Variants in SEMA6D observed in about 807,000 individuals in gnomAD.
SEMA6D encodes semaphorin-6D.
Under a neutral mutation model 106.6 loss-of-function variants are expected in SEMA6D, and 35 were observed. The ratio of observed to expected loss-of-function variants is 0.33; its 90% CI spans 0.25 to 0.44. SEMA6D has a LOEUF of 0.44. Ranked by LOEUF, SEMA6D falls within the 20% of genes least tolerant of loss-of-function variation. The pLI is 1.00. For missense variants in SEMA6D, 1,185 were observed against 1,345.9 expected (o/e 0.88, Z 1.87); for synonymous variants, 499 against 487.7 (o/e 1.02, Z -0.31).
At chr15:47,654,248 C>T (rs955103895) in intron 4 of SEMA6D, among the ~76,000 whole-genome samples, 10 of 152,108 alleles carry the variant, frequency 6.6e-5, no homozygotes, top group South Asian at 2.1e-4. Context: ...ACAATCAATG[C>T]GGAGCTTAGG....
At chr15:47,717,889 A>G (rs2079184650) in intron 1 of SEMA6D, among the ~76,000 whole-genome samples, 197 bp downstream of exon 1, 1 of 140,408 alleles carries the variant, frequency 7.1e-6, no homozygotes, top group Non-Finnish European at 1.5e-5. Context: ...TTGCCACTGG[A>G]CAGTTGATTT....
At chr15:47,407,412 A>AAC (rs2040627377) in intron 1 of SEMA6D, among the ~76,000 whole-genome samples, 1 of 150,270 alleles carries the variant, frequency 6.7e-6, no homozygotes, top group African/African-American at 2.4e-5. Flanking sequence ...ACAACAACAA[A>AAC]AAAAACAAAA....
chr15:47,471,931 T>TCTCACACACACACACA (rs1555445502), intron 3 of SEMA6D, among the ~76,000 whole-genome samples: 1 of 121,436 alleles, frequency 8.2e-6, no homozygotes, highest in African/African-American at 3.4e-5. Context: ...TCTCTCTCTC[T>TCTCACACACACACACA]CACACACACA....
intron 1 of SEMA6D, among the ~76,000 whole-genome samples, chr15:47,247,446 C>T (rs1298747833): frequency 6.6e-6 from 1 of 151,944 alleles, no homozygotes; most frequent in African/African-American, 2.4e-5. Context: ...AAAAAACTGT[C>T]ATCCATTAAA....
At chr15:47,497,454 T>C (rs2043704562) in intron 3 of SEMA6D, among the ~76,000 whole-genome samples, 1 of 152,104 alleles carries the variant, frequency 6.6e-6, no homozygotes. Context: ...ATCATTTGCT[T>C]TGACTTCATC....
chr15:47,760,820 A>C (rs2082021268), intron 3 of SEMA6D, among the ~76,000 whole-genome samples, 158 bp from the exon 4 acceptor site: 1 of 152,182 alleles, frequency 6.6e-6, no homozygotes, highest in Admixed American at 6.5e-5. Context: ...AAAGCATCTC[A>C]CTAATGAAAA....
chr15:47,257,232 T>C (rs1330155682), intron 1 of SEMA6D, among the ~76,000 whole-genome samples: 1 of 152,118 alleles, frequency 6.6e-6, no homozygotes, highest in African/African-American at 2.4e-5. Flanking sequence ...TAATTTTTTG[T>C]ATTTTTAGTA....
At chr15:47,213,491 G>T (rs1002144590) in intron 1 of SEMA6D, among the ~76,000 whole-genome samples, 5 of 152,118 alleles carry the variant, frequency 3.3e-5, no homozygotes, top group African/African-American at 9.7e-5. Context: ...CTGAGGAGTG[G>T]GTGGATGATT....
Position 47,720,261 on chromosome 15 carries a change from C to CTTTTTTTTTTTTTTTTTTT in SEMA6D, c.-55+2574_-55+2592dup, listed in dbSNP as rs869122623. ...TAGGGATGCTATATCAATAACCTTTCTTTTTTTTTTTTTTTTTTTTTTTGG... is the reference window on the plus strand; with the variant it reads ...TAGGGATGCTATATCAATAACCTTTCTTTTTTTTTTTTTTTTTTTTTTTTTTTTTTTTTTTTTTTTTTGG... On this transcript the variant is annotated intron_variant, in intron 1 of 18. Transcript: ENST00000536845. Among the ~76,000 whole-genome samples the CTTTTTTTTTTTTTTTTTTT allele has an allele frequency of 4.1e-5, 4 of 97,148 alleles. 1 individual carries two copies. Among genetic ancestry groups the CTTTTTTTTTTTTTTTTTTT allele is most frequent in the Non-Finnish European group, 8.1e-5 (4 of 49,462 alleles). The allele number at this position is 97,148 out of a possible 152,430, so 63.7% of individuals were successfully genotyped here.
chr15:47,483,620 A>C (rs1416996183), intron 3 of SEMA6D, among the ~76,000 whole-genome samples: 1 of 152,134 alleles, frequency 6.6e-6, no homozygotes. Context: ...AGGATGTTTT[A>C]AAAATCATAG....
intron 1 of SEMA6D, among the ~76,000 whole-genome samples, chr15:47,392,788 T>A (rs182790269): frequency 2.6e-5 from 4 of 152,350 alleles, no homozygotes; most frequent in Non-Finnish European, 5.9e-5. Context: ...GAGTTCAGGC[T>A]TAATTCTCTG....
intron 2 of SEMA6D, among the ~76,000 whole-genome samples, chr15:47,429,661 T>C (rs2041459372): frequency 6.6e-6 from 1 of 152,156 alleles, no homozygotes; most frequent in South Asian, 2.1e-4. Flanking sequence ...TTTTTCTGAA[T>C]CAACTATTAT....
chr15:47,238,501 C>T (rs993329418), intron 1 of SEMA6D, among the ~76,000 whole-genome samples: 3 of 152,054 alleles, frequency 2.0e-5, no homozygotes, highest in Non-Finnish European at 2.9e-5. Flanking sequence ...TACTATAATA[C>T]GAATTATATT....
chr15:47,539,319 C>A (rs1437789171), intron 3 of SEMA6D, among the ~76,000 whole-genome samples: 1 of 152,002 alleles, frequency 6.6e-6, no homozygotes, highest in Non-Finnish European at 1.5e-5. Context: ...GAAATAGGCT[C>A]ACATAATCAA....
At chr15:47,398,290 A>T (rs1427487777) in intron 1 of SEMA6D, among the ~76,000 whole-genome samples, 1 of 152,152 alleles carries the variant, frequency 6.6e-6, no homozygotes, top group Non-Finnish European at 1.5e-5. Context: ...TTCTGGCCGG[A>T]GATGTTCTTT....
At chr15:47,214,268 G>A (rs1445660707) in intron 1 of SEMA6D, among the ~76,000 whole-genome samples, 1 of 152,090 alleles carries the variant, frequency 6.6e-6, no homozygotes, top group Non-Finnish European at 1.5e-5. Flanking sequence ...GGTGATACAG[G>A]GTCAAGGATT....
At chr15:47,754,729 C>G (rs926633117) in intron 1 of SEMA6D, among the ~76,000 whole-genome samples, 5 of 152,142 alleles carry the variant, frequency 3.3e-5, no homozygotes, top group Non-Finnish European at 7.3e-5. Flanking sequence ...GTCCATTTCT[C>G]TCTCTGCAGT....
intron 2 of SEMA6D, among the ~76,000 whole-genome samples, chr15:47,450,484 G>C (rs1241023433): frequency 6.6e-6 from 1 of 152,044 alleles, no homozygotes. Flanking sequence ...AGGGGTGTCT[G>C]TGAAGGCCTG....
intron 4 of SEMA6D, among the ~76,000 whole-genome samples, chr15:47,682,517 A>G (rs1360512009): frequency 6.6e-6 from 1 of 152,142 alleles, no homozygotes; most frequent in Non-Finnish European, 1.5e-5. Context: ...TATCATTCTG[A>G]TGTATATCTT....
Sources: allele counts gnomAD v4.1 joint callset (sites outside exome capture counted in the v4.1 genomes callset), GRCh38; gene constraint gnomAD v4.1.1; transcripts MANE v1.5; gene names NCBI Gene and HGNC (gene_info 2026-07-23, HGNC 2026-07-21).